The following PIEZO2 variants were observed in gnomAD, a reference collection of about 807,000 sequenced individuals.
PIEZO2 encodes the protein piezo type mechanosensitive ion channel component 2.
PIEZO2 carries 172 observed loss-of-function variants against 337.3 expected under a neutral mutation model. The ratio of observed to expected loss-of-function variants is 0.51; its 90% CI spans 0.45 to 0.58. The LOEUF is 0.58. Ranked by LOEUF, PIEZO2 falls within the 20% of genes least tolerant of loss-of-function variation. The pLI is 0.00. For synonymous variants in PIEZO2, 1,251 were observed against 1,228.5 expected, an observed-to-expected ratio of 1.02 and a Z score of -0.38; for missense variants, 3,028 against 3,391.3, an observed-to-expected ratio of 0.89 and a Z score of 2.66.
At chr18:10,725,855 T>C (rs1251043316) in intron 36 of PIEZO2, among the ~76,000 whole-genome samples, 1 of 152,160 alleles carries the variant, frequency 6.6e-6, no homozygotes, top group African/African-American at 2.4e-5. Context: ...TGGACTTGGC[T>C]TGAGGACACA....
chr18:10,933,363 T>C (rs1226474544), intron 3 of PIEZO2, among the ~76,000 whole-genome samples: 1 of 152,212 alleles, frequency 6.6e-6, no homozygotes, highest in Non-Finnish European at 1.5e-5. Context: ...AATTTTCTTC[T>C]TCATTTCTAA....
intron 2 of PIEZO2, among the ~76,000 whole-genome samples, chr18:10,989,293 C>T (rs2145542562): frequency 6.6e-6 from 1 of 151,968 alleles, no homozygotes; most frequent in South Asian, 2.1e-4. Flanking sequence ...AATAGGCTAT[C>T]TAGAAGACAA....
Position 10,774,045 on chromosome 18 carries a change from A to G in PIEZO2, c.2535-7T>C. ...TGGTAATTTTTTCTTGATGCTGCTC[A>G]TAGTAATTGAAATAGAAAGGAAAAA... On this transcript the variant is annotated splice_polypyrimidine_tract_variant and splice_region_variant and intron_variant, in intron 18 of 55. Coordinates refer to ENST00000674853, the MANE Select transcript of PIEZO2 (RefSeq NM_001378183.1). 1 of 703,024 alleles carries G rather than the reference A, an allele frequency of 1.4e-6. No individual in the cohort carries two copies. Among genetic ancestry groups the G allele is most frequent in the Non-Finnish European group, 2.6e-6 (1 of 384,988 alleles). The allele number at this position is 703,024 out of a possible 1,614,324, so 43.5% of individuals were successfully genotyped here.
chr18:10,690,662 A>G (rs1259120512), intron 48 of PIEZO2, among the ~76,000 whole-genome samples: 1 of 152,166 alleles, frequency 6.6e-6, no homozygotes, highest in African/African-American at 2.4e-5. Context: ...CTCACTTTTT[A>G]TGCCGTGGTT....
intron 2 of PIEZO2, among the ~76,000 whole-genome samples, chr18:11,026,384 C>T (rs1385719626): frequency 2.0e-5 from 3 of 152,192 alleles, no homozygotes; most frequent in Non-Finnish European, 4.4e-5. Context: ...TCCACAGACA[C>T]AAAGTTAGCC....
chr18:10,721,981 C>T (rs1422223449), intron 36 of PIEZO2, among the ~76,000 whole-genome samples: 4 of 151,944 alleles, frequency 2.6e-5, no homozygotes, highest in African/African-American at 4.8e-5. Context: ...TGGTGAAACC[C>T]GGTCTCTACG....
chr18:10,998,245 T>C (rs2035399398), intron 2 of PIEZO2, among the ~76,000 whole-genome samples: 1 of 152,028 alleles, frequency 6.6e-6, no homozygotes, highest in Non-Finnish European at 1.5e-5. Context: ...CTAATGTAAG[T>C]TCTTCAGCCT....
rs936415305 is a variant in PIEZO2 at position 11,001,646 on chromosome 18, G to A, written c.161-21986C>T. 1.2e-4 allele frequency among the ~76,000 whole-genome samples: 19 copies of A among 152,082 alleles called. No homozygotes were observed. Among genetic ancestry groups the A allele is most frequent in the Admixed American group, 3.9e-4 (6 of 15,272 alleles). On this transcript the variant is annotated intron_variant, in intron 2 of 55. Coordinates refer to ENST00000674853, the MANE Select transcript of PIEZO2 (RefSeq NM_001378183.1). The surrounding 1 kb of genome is among the most constrained non-coding windows in gnomAD (Gnocchi z 5.3). Reference sequence around the variant, plus strand: ...TAATCTCAGCACTTTGGGAGGCTGAGGTGGGCGGATCATCTGAGGTCGGGA... The same window carrying A: ...TAATCTCAGCACTTTGGGAGGCTGAAGTGGGCGGATCATCTGAGGTCGGGA...
chr18:10,895,715 T>C lies in PIEZO2; in HGVS notation c.329+15471A>G, dbSNP rs8092379. Among the ~76,000 whole-genome samples, 6,912 of 152,232 alleles carry C rather than the reference T, an allele frequency of 0.045. 242 individuals are homozygous for C. Among genetic ancestry groups the C allele is most frequent in the Middle Eastern group, 0.11 (31 of 294 alleles). On this transcript the variant is annotated intron_variant, in intron 4 of 55. Coordinates refer to ENST00000674853, the MANE Select transcript of PIEZO2 (RefSeq NM_001378183.1). This position sits in a 1 kb window ranked among gnomAD's most constrained non-coding sequence, Gnocchi z 4.8. ...CACATTTCATCTCTACCCAATGGAC[T>C]ACCAGCAACAGGTGTAATGGGTGCT... is the stretch of plus-strand genomic sequence containing the variant.
rs1355932202 is a variant in PIEZO2, at chr18:10,672,449, C to T, written c.8345+241G>A. On this transcript the variant is annotated intron_variant, in intron 55 of 55. Transcript: ENST00000674853. The surrounding 1 kb of genome is among the most constrained non-coding windows in gnomAD (Gnocchi z 4.7). ...GGGATTGGATTAAACTGTGCCATAA[C>T]AGGAAGACGTGGAGTAAAGAAGCCA... 6.6e-6 allele frequency among the ~76,000 whole-genome samples: 1 copy of T among 152,160 alleles called. No homozygotes were observed. The highest frequency in any genetic ancestry group is 1.5e-5 in the Non-Finnish European group (1 of 68,028).
At chr18:10,848,068 A>G (rs1417393982) in intron 7 of PIEZO2, among the ~76,000 whole-genome samples, 1 of 152,142 alleles carries the variant, frequency 6.6e-6, no homozygotes, top group Non-Finnish European at 1.5e-5. Context: ...GATCACCCCA[A>G]TGCAAGACAG....
In PIEZO2 at chr18:10,877,497, A is replaced by G. The variant is rs1334299819; in HGVS notation, c.330-6082T>C. Among the ~76,000 whole-genome samples the G allele has an allele frequency of 6.6e-6, 1 of 152,110 alleles. No individual in the cohort carries two copies. Among genetic ancestry groups the G allele is most frequent in the Non-Finnish European group, 1.5e-5 (1 of 68,012 alleles). Reference sequence around the variant, plus strand: ...TCCATTCAGTGTTATTCTTACTCCAAATTAGCTCTTCCTCCTATAGTCCTA... The same window carrying G: ...TCCATTCAGTGTTATTCTTACTCCAGATTAGCTCTTCCTCCTATAGTCCTA... On this transcript the variant is annotated intron_variant, in intron 4 of 55. Coordinates refer to ENST00000674853, the MANE Select transcript of PIEZO2 (RefSeq NM_001378183.1). The surrounding 1 kb of genome is among the most constrained non-coding windows in gnomAD (Gnocchi z 5.3).
rs114735007 is a variant in PIEZO2 at position 11,021,132 on chromosome 18, C to T, written c.161-41472G>A. Among the ~76,000 whole-genome samples the T allele has an allele frequency of 0.012, 1,839 of 152,292 alleles. 37 individuals carry two copies. Among genetic ancestry groups the T allele is most frequent in the African/African-American group, 0.04 (1,667 of 41,554 alleles). ...CCTCACAGGCCTGGACTATGATTCTCTTCCGTTACATCATGAAAGAAACTC... is the reference window on the plus strand; with the variant it reads ...CCTCACAGGCCTGGACTATGATTCTTTTCCGTTACATCATGAAAGAAACTC... On this transcript the variant is annotated intron_variant, in intron 2 of 55. Transcript: ENST00000674853. This position sits in a 1 kb window ranked among gnomAD's most constrained non-coding sequence, Gnocchi z 4.7.
intron 16 of PIEZO2, among the ~76,000 whole-genome samples, chr18:10,785,930 C>T (rs2039206499): frequency 1.3e-5 from 2 of 152,156 alleles, no homozygotes; most frequent in Admixed American, 1.3e-4. Flanking sequence ...AGCTGCCTGC[C>T]TGAATTCTCC....
rs1316653452 is a variant in PIEZO2 at position 10,726,752 on chromosome 18, C to A, written c.5029+4655G>T. ...GGACATCGCCAGACCATCGATTTCC[C>A]GCTGCTGACCTCACTGGGCAAGGTG... On this transcript the variant is annotated intron_variant, in intron 36 of 55. Coordinates refer to ENST00000674853, the MANE Select transcript of PIEZO2 (RefSeq NM_001378183.1). This position sits in a 1 kb window ranked among gnomAD's most constrained non-coding sequence, Gnocchi z 5.9. The A allele has an allele frequency of 1.3e-6, 2 of 1,482,596 alleles. No individual in the cohort carries two copies. Among genetic ancestry groups the A allele is most frequent in the Non-Finnish European group, 1.9e-6 (2 of 1,064,036 alleles). The allele number at this position is 1,482,596 out of a possible 1,614,324, so 91.8% of individuals were successfully genotyped here.
At chr18:10,796,553 C>A (rs2039605738) in intron 12 of PIEZO2, among the ~76,000 whole-genome samples, 1 of 152,152 alleles carries the variant, frequency 6.6e-6, no homozygotes, top group African/African-American at 2.4e-5. Context: ...AAGAGATAGT[C>A]TGACTTGACA....
At chr18:10,790,066 C>T (rs1480799184) in intron 14 of PIEZO2, among the ~76,000 whole-genome samples, 1 of 152,108 alleles carries the variant, frequency 6.6e-6, no homozygotes, top group African/African-American at 2.4e-5. Flanking sequence ...GAGTGAAAAT[C>T]AAGTGAGGGC....
intron 54 of PIEZO2, among the ~76,000 whole-genome samples, chr18:10,674,939 A>C (rs1214059824): frequency 6.6e-6 from 1 of 152,220 alleles, no homozygotes; most frequent in African/African-American, 2.4e-5. Flanking sequence ...CAAGTCTATA[A>C]TCTGATGAAT....
rs3034920 is a variant in PIEZO2 at position 10,731,667 on chromosome 18, A to AT, written c.4915-147dup. 0.4 allele frequency: 153,477 copies of AT among 380,496 alleles called. 21,693 individuals are homozygous for AT. The highest frequency in any genetic ancestry group is 0.45 in the South Asian group (8,363 of 18,438). The allele number at this position is 380,496 out of a possible 1,614,324, so 23.6% of individuals were successfully genotyped here. A position where few individuals can be genotyped will look rare whatever the true frequency, so the allele number is the denominator to read the frequency against. On this transcript the variant is annotated intron_variant, in intron 35 of 55. Coordinates refer to ENST00000674853, the MANE Select transcript of PIEZO2 (RefSeq NM_001378183.1). ...GCTATTTTTATTATCATGAGATTCA[A>AT]TTTTTTTTTTTAGAAAAAGACAACA...
Sources: allele counts gnomAD v4.1 joint callset (sites outside exome capture counted in the v4.1 genomes callset), GRCh38; gene constraint gnomAD v4.1.1; non-coding constraint Gnocchi (gnomAD v3.1); transcripts MANE v1.5; gene names NCBI Gene and HGNC (gene_info 2026-07-23, HGNC 2026-07-21).